CXXC1: variants seen among roughly 807,000 people sequenced by gnomAD.
The protein encoded by CXXC1 is CXXC-type zinc finger protein 1.
A neutral mutation model predicts 83.6 loss-of-function variants in CXXC1; 21 were observed. That is an observed-to-expected ratio of 0.25 (90% CI 0.18 to 0.36). The LOEUF (loss-of-function observed/expected upper bound fraction) is 0.36, where lower values mean the gene tolerates loss of function less well. Ranked by LOEUF, CXXC1 falls within the 10% of genes least tolerant of loss-of-function variation. The probability of loss-of-function intolerance (pLI) is 1.00; values close to 1 mark genes in which losing one functional copy is unlikely to be tolerated. For missense variants in CXXC1, 688 were observed against 919.5 expected (o/e 0.75, Z 3.26); for synonymous variants, 371 against 337.5 (o/e 1.10, Z -1.09).
In CXXC1 at chr18:50,282,537, C is replaced by A. The variant is rs995459371; in HGVS notation, c.*56G>T. 18 of 1,589,760 alleles carry A rather than the reference C, an allele frequency of 1.1e-5. No homozygotes were observed. In the East Asian group the frequency reaches 2.9e-4, roughly 26 times the overall value. On this transcript the variant is annotated 3_prime_UTR_variant, in exon 15 of 15. Coordinates refer to ENST00000285106, the MANE Select transcript of CXXC1 (RefSeq NM_014593.4). The surrounding 1 kb of genome is among the most constrained non-coding windows in gnomAD (Gnocchi z 5.8). ...ATGAGTGGAGGAACGGACACACGGGCACCGGGCGGCTCCCCCATCTGGAAT... is the reference window on the plus strand; with the variant it reads ...ATGAGTGGAGGAACGGACACACGGGAACCGGGCGGCTCCCCCATCTGGAAT...
intron 9 of CXXC1, 86 bp from the exon 10 acceptor site, chr18:50,284,187 G>A: frequency 6.7e-7 from 1 of 1,489,348 alleles, no homozygotes; most frequent in South Asian, 1.2e-5. Context: ...AAAAGGAGAA[G>A]TAAATAGGTG....
rs908619789 is a variant in CXXC1, at chr18:50,283,445, C to A, written c.1574+70G>T. On this transcript the variant is annotated intron_variant, in intron 12 of 14. Coordinates refer to ENST00000285106, the MANE Select transcript of CXXC1 (RefSeq NM_014593.4). ...GCTGGTTGCCCGTATCCTGCCCCAG[C>A]TCCACACACATCCCACTTCTGACCC... The A allele has an allele frequency of 1.9e-6, 3 of 1,607,556 alleles. No homozygotes were observed. In the Admixed American group the frequency reaches 5.0e-5, roughly 27 times the overall value.
intron 1 of CXXC1, 60 bp from the exon 2 acceptor site, chr18:50,286,918 C>G (rs779586962): frequency 8.4e-7 from 1 of 1,188,282 alleles, no homozygotes; most frequent in East Asian, 2.4e-5. Context: ...CTCATCCCCC[C>G]ATTACAACTC....
In CXXC1 at chr18:50,284,748, T is replaced by G; in HGVS notation, c.1004A>C (p.Lys335Thr). 1 of 1,614,060 alleles carries G rather than the reference T, an allele frequency of 6.2e-7. No homozygotes were observed. The highest frequency in any genetic ancestry group is 8.5e-7 in the Non-Finnish European group (1 of 1,179,984). Residue 335 changes from lysine (K) to threonine (T), a missense_variant, in exon 8 of 15, where the codon AAG (lysine) becomes ACG (threonine). By Grantham distance (78) the Lys-to-Thr change is moderately conservative (BLOSUM62 -1). Around this residue, in one of 9 missense-constraint regions of CXXC1, gnomAD observed 190 missense variants for 199.7 expected, o/e 0.95. Transcript: ENST00000285106. ...VKVKHVKRRE[K>T]KSEKKKEERY... ...CTCCATCACCTTCTTCTCAGACTTC[T>G]TCTCCCGACGCTTCACATGCTTCAC...
At chr18:50,283,164 G>A (rs2040605916) in intron 13 of CXXC1, 101 bp downstream of exon 13, 5 of 1,314,904 alleles carry the variant, frequency 3.8e-6, no homozygotes, top group Non-Finnish European at 5.4e-6. Flanking sequence ...AAGCTGAGAG[G>A]AAAAAGTGAA....
chr18:50,284,547 T>G lies in CXXC1; in HGVS notation c.1036A>C (p.Lys346Gln). ...TGCTTCTGCTTCTGCCGATGCCGCT[T>G]GTATCGCTCCTCCTTCTGTTGAGCA... The part of the protein sequence containing the change: ...KSEKKKEERY[K>Q]RHRQKQKHKD... Residue 346 changes from lysine (K) to glutamine (Q), a missense_variant, in exon 9 of 15, where the codon AAG (lysine) becomes CAG (glutamine). Around this residue, in one of 9 missense-constraint regions of CXXC1, gnomAD observed 190 missense variants for 199.7 expected, o/e 0.95. Coordinates refer to ENST00000285106, the MANE Select transcript of CXXC1 (RefSeq NM_014593.4). 1 of 1,588,498 alleles carries G rather than the reference T, an allele frequency of 6.3e-7. No individual in the cohort carries two copies. The highest frequency in any genetic ancestry group is 8.6e-7 in the Non-Finnish European group (1 of 1,166,050).
chr18:50,286,265 GCA>G lies in CXXC1; in HGVS notation c.224-10_224-9del. On this transcript the variant is annotated splice_polypyrimidine_tract_variant and intron_variant, in intron 3 of 14. Transcript: ENST00000285106. ...CTAGCTTGGGGTCTTTCTCTGTGGG[GCA>G]GAGAGTAGGGCCAAAGTGAGTGAGC... 1.3e-6 allele frequency: 2 copies of G among 1,591,322 alleles called. No homozygotes were observed. Among genetic ancestry groups the G allele is most frequent in the Non-Finnish European group, 1.7e-6 (2 of 1,169,402 alleles).
chr18:50,286,130 G>A lies in CXXC1; in HGVS notation c.351C>T (p.Asp117=). The change falls in exon 4 of 15, where the codon GAC becomes GAT. Residue 117 remains aspartate, a synonymous_variant. Coordinates refer to ENST00000285106, the MANE Select transcript of CXXC1 (RefSeq NM_014593.4). The part of the protein sequence containing the change: ...GGRKRPVPDP[D]LQRRAGSGTG... ...TCCCTGACCCTGCCCGGCGCTGCAG[G>A]TCTGGATCAGGGACAGGCCTCTTGC... 1 of 1,614,008 alleles carries A rather than the reference G, an allele frequency of 6.2e-7. No homozygotes were observed. Among genetic ancestry groups the A allele is most frequent in the Non-Finnish European group, 8.5e-7 (1 of 1,180,008 alleles).
At position 50,282,443 on chromosome 18, in the gene CXXC1, A is replaced by C. The variant is rs1238475463; in HGVS notation, c.*150T>G. ...CCAGGCACTGAACATGTCGACGGGG[A>C]CAGTCCCTCTGATAAAGGCAGATGG... On this transcript the variant is annotated 3_prime_UTR_variant, in exon 15 of 15. Transcript: ENST00000285106. The surrounding 1 kb of genome is among the most constrained non-coding windows in gnomAD (Gnocchi z 5.8). 7.2e-6 allele frequency: 7 copies of C among 975,262 alleles called. No individual in the cohort carries two copies. The East Asian group carries it at 1.7e-4, about 23-fold the overall frequency. The allele number at this position is 975,262 out of a possible 1,614,324, so 60.4% of individuals were successfully genotyped here.
Position 50,285,110 on chromosome 18 carries a change from C to T in CXXC1, c.804G>A (p.Glu268=), listed in dbSNP as rs1253672910. 1 of 1,614,128 alleles carries T rather than the reference C, an allele frequency of 6.2e-7. No individual in the cohort carries two copies. The highest frequency in any genetic ancestry group is 1.3e-5 in the African/African-American group (1 of 74,944). ...EGAVASSTVK[E]PPEATATPEP... The stretch of plus-strand genomic sequence containing the variant: ...CAGGTGTGGCTGTAGCCTCAGGAGG[C>T]TCCTTGACTGTTGATGACGCCACTG... Residue 268 remains glutamate (E), a synonymous_variant, in exon 7 of 15, where the codon GAG becomes GAA. Transcript: ENST00000285106. This position sits in a 1 kb window ranked among gnomAD's most constrained non-coding sequence, Gnocchi z 4.4.
chr18:50,283,650 C>T, intron 11 of CXXC1, 55 bp downstream of exon 11: 1 of 1,608,294 alleles, frequency 6.2e-7, no homozygotes, highest in Non-Finnish European at 8.5e-7. Flanking sequence ...AATCTGTCCC[C>T]CACTGGCCCA....
rs770863777 is a variant in CXXC1, at chr18:50,284,845, A to G, written c.913-6T>C. On this transcript the variant is annotated splice_region_variant and splice_polypyrimidine_tract_variant and intron_variant, in intron 7 of 14. Transcript: ENST00000285106. ...TCTGTGTCGCTCATCCAGGGCTGCA[A>G]GCAGGGCATGCACTGACCCACCTGC... 1 of 1,614,036 alleles carries G rather than the reference A, an allele frequency of 6.2e-7. No individual in the cohort carries two copies. The highest frequency in any genetic ancestry group is 1.1e-5 in the South Asian group (1 of 91,082).
In CXXC1 at chr18:50,286,268, G is replaced by T; in HGVS notation, c.224-11C>A. On this transcript the variant is annotated splice_polypyrimidine_tract_variant and intron_variant, in intron 3 of 14. Coordinates refer to ENST00000285106, the MANE Select transcript of CXXC1 (RefSeq NM_014593.4). ...GCTTGGGGTCTTTCTCTGTGGGGCA[G>T]AGAGTAGGGCCAAAGTGAGTGAGCA... 2 of 1,592,398 alleles carry T rather than the reference G, an allele frequency of 1.3e-6. No homozygotes were observed. The highest frequency in any genetic ancestry group is 1.7e-6 in the Non-Finnish European group (2 of 1,170,996).
chr18:50,283,493 A>AC, intron 12 of CXXC1, 22 bp downstream of exon 12: 1 of 1,608,250 alleles, frequency 6.2e-7, no homozygotes, highest in Non-Finnish European at 8.5e-7. Context: ...CCCACCTCTC[A>AC]CTGCGTGGCA....
chr18:50,286,777 A>C lies in CXXC1; in HGVS notation c.85T>G (p.Cys29Gly). Residue 29 changes from cysteine (C) to glycine (G), a missense_variant, in exon 2 of 15, where the codon TGC becomes GGC. Cys to Gly is a radical substitution (Grantham distance 159, BLOSUM62 -3). This residue lies in a region of CXXC1 where 51 missense variants were observed against 48.0 expected (regional missense o/e 1.06). Transcript: ENST00000285106. ...TTGATGTCCGGTTTGCGGCAGATGCAGTAGATGGGCGCATTCTCCCCATTC... is the reference window on the plus strand; with the variant it reads ...TTGATGTCCGGTTTGCGGCAGATGCCGTAGATGGGCGCATTCTCCCCATTC... ...SENGENAPIY[C>G]ICRKPDINCF... The C allele has an allele frequency of 6.2e-7, 1 of 1,614,052 alleles. No individual in the cohort carries two copies. The highest frequency in any genetic ancestry group is 8.5e-7 in the Non-Finnish European group (1 of 1,179,952).
intron 13 of CXXC1, 116 bp from the exon 14 acceptor site, chr18:50,283,122 G>A: frequency 2.3e-6 from 3 of 1,328,792 alleles, no homozygotes; most frequent in Non-Finnish European, 3.2e-6. Context: ...AGGAGGCATG[G>A]AAAAGGAGGA....
Position 50,282,676 on chromosome 18 carries a change from C to A in CXXC1, c.1888G>T (p.Ala630Ser), listed in dbSNP as rs1245097572. The A allele has an allele frequency of 6.2e-7, 1 of 1,613,572 alleles. No homozygotes were observed. Among genetic ancestry groups the A allele is most frequent in the Non-Finnish European group, 8.5e-7 (1 of 1,180,038 alleles). The change falls in exon 15 of 15, where the codon GCG becomes TCG. Residue 630 changes from alanine (A) to serine (S), a missense_variant. Transcript: ENST00000285106. This position sits in a 1 kb window ranked among gnomAD's most constrained non-coding sequence, Gnocchi z 5.8. ...TGCAGCATCAGGGCCAGCAATCCCGCGCGGTTTGTCATGGCTGTGCGCACA... is the reference window on the plus strand; with the variant it reads ...TGCAGCATCAGGGCCAGCAATCCCGAGCGGTTTGTCATGGCTGTGCGCACA... ...RNVRTAMTNR[A>S]GLLALMLHQT...
rs377288485 is a variant in CXXC1, at chr18:50,284,112, G to C, written c.1206-11C>G. The C allele has an allele frequency of 6.2e-7, 1 of 1,600,162 alleles. No homozygotes were observed. The highest frequency in any genetic ancestry group is 2.2e-5 in the East Asian group (1 of 44,656). ...ATCTCGTAGATGCGGCTGCAGGGAAGGTAGCAAGCAACAGAATGAGTGAGG... is the reference window on the plus strand; with the variant it reads ...ATCTCGTAGATGCGGCTGCAGGGAACGTAGCAAGCAACAGAATGAGTGAGG... On this transcript the variant is annotated splice_polypyrimidine_tract_variant and intron_variant, in intron 9 of 14. Coordinates refer to ENST00000285106, the MANE Select transcript of CXXC1 (RefSeq NM_014593.4).
intron 8 of CXXC1, 25 bp downstream of exon 8, chr18:50,284,705 CCA>C: frequency 6.2e-7 from 1 of 1,611,014 alleles, no homozygotes; most frequent in Middle Eastern, 1.6e-4. Flanking sequence ...CTCTGCCTTT[CCA>C]CATCCACTTT....
Sources: allele counts gnomAD v4.1 joint callset, GRCh38; gene constraint gnomAD v4.1.1; regional missense constraint gnomAD v4.1.1; non-coding constraint Gnocchi (gnomAD v3.1); transcripts MANE v1.5; gene names NCBI Gene and HGNC (gene_info 2026-07-23, HGNC 2026-07-21).